TMTC1: variants seen among roughly 807,000 people sequenced by gnomAD.
TMTC1 encodes the protein protein O-mannosyl-transferase TMTC1.
TMTC1 carries 73 observed loss-of-function variants against 104.8 expected under a neutral mutation model. The ratio of observed to expected loss-of-function variants is 0.70; its 90% CI spans 0.58 to 0.85. The LOEUF (loss-of-function observed/expected upper bound fraction) is 0.85. Ranked by LOEUF, TMTC1 falls within the 40% of genes least tolerant of loss-of-function variation. The probability of loss-of-function intolerance (pLI) is 0.00; values close to 1 mark genes in which losing one functional copy is unlikely to be tolerated. For synonymous variants in TMTC1, 434 were observed against 428.7 expected, an observed-to-expected ratio of 1.01 and a Z score of -0.15; for missense variants, 1,035 against 1,096.1, an observed-to-expected ratio of 0.94 and a Z score of 0.79.
chr12:29,643,604 T>TTATATATAATATATATCTATATATTA (rs1276712688), intron 5 of TMTC1, among the ~76,000 whole-genome samples: 3 of 39,606 alleles, frequency 7.6e-5, no homozygotes, highest in African/African-American at 2.5e-4. Flanking sequence ...ATATTATATA[T>TTATATATAATATATATCTATATATTA]TATATATAAT....
intron 14 of TMTC1, 102 bp downstream of exon 14, chr12:29,517,325 A>C: frequency 7.6e-7 from 1 of 1,308,988 alleles, no homozygotes. Context: ...CAGTGGATAT[A>C]TTACGGCATT....
intron 5 of TMTC1, among the ~76,000 whole-genome samples, chr12:29,665,943 C>T (rs977185258): frequency 1.4e-5 from 2 of 145,536 alleles, no homozygotes; most frequent in Admixed American, 1.5e-4. Context: ...CCACTGATGC[C>T]CCCCCAACCC....
intron 1 of TMTC1, among the ~76,000 whole-genome samples, chr12:29,782,592 A>G (rs1943859647): frequency 6.6e-6 from 1 of 152,228 alleles, no homozygotes; most frequent in South Asian, 2.1e-4. Context: ...TGTGTAAGAT[A>G]GCATTTCCCT....
intron 5 of TMTC1, among the ~76,000 whole-genome samples, chr12:29,662,959 T>A (rs1017381441): frequency 1.3e-5 from 2 of 152,202 alleles, no homozygotes; most frequent in African/African-American, 4.8e-5. Flanking sequence ...TTCATCTTCC[T>A]TAGCTGCCAA....
Position 29,643,632 on chromosome 12 carries a change from A to ATATAATATATATGTTATAT in TMTC1, c.939-10297_939-10296insATATAACATATATATTATA, listed in dbSNP as rs1555180721. ...TATATAATATATATCTATATATTAT[A>ATATAATATATATGTTATAT]TATATAATATATATGTTATATTATA... On this transcript the variant is annotated intron_variant, in intron 5 of 17. Coordinates refer to ENST00000539277, the MANE Select transcript of TMTC1 (RefSeq NM_001193451.2). 2.4e-4 allele frequency among the ~76,000 whole-genome samples: 9 copies of ATATAATATATATGTTATAT among 37,344 alleles called. 1 individual carries two copies. Among genetic ancestry groups the ATATAATATATATGTTATAT allele is most frequent in the African/African-American group, 1.2e-3 (9 of 7,480 alleles). 24.5% of individuals were successfully genotyped at this position (37,344 alleles called of 152,430 possible). A position where few individuals can be genotyped will look rare whatever the true frequency, so the allele number is the denominator to read the frequency against.
chr12:29,542,017 A>G (rs1019068191), intron 10 of TMTC1, among the ~76,000 whole-genome samples: 10 of 152,202 alleles, frequency 6.6e-5, no homozygotes, highest in Non-Finnish European at 1.0e-4. Flanking sequence ...GTATTAATTT[A>G]GCCATTTAGA....
At chr12:29,623,354 A>C (rs950983134) in intron 6 of TMTC1, among the ~76,000 whole-genome samples, 1 of 152,254 alleles carries the variant, frequency 6.6e-6, no homozygotes, top group Non-Finnish European at 1.5e-5. Flanking sequence ...AATGCAAATA[A>C]GTAAAATACA....
At chr12:29,635,596 C>G (rs1174820436) in intron 5 of TMTC1, among the ~76,000 whole-genome samples, 1 of 152,184 alleles carries the variant, frequency 6.6e-6, no homozygotes, top group Non-Finnish European at 1.5e-5. Flanking sequence ...ACTGACTAAT[C>G]AACTTTAACA....
intron 5 of TMTC1, among the ~76,000 whole-genome samples, chr12:29,654,380 A>G (rs1939658857): frequency 1.3e-5 from 2 of 152,206 alleles, no homozygotes; most frequent in African/African-American, 2.4e-5. Context: ...AAATATAGGT[A>G]CATCAAAACC....
At chr12:29,514,697 G>T in intron 15 of TMTC1, 93 bp from the exon 16 acceptor site, 2 of 1,355,704 alleles carry the variant, frequency 1.5e-6, no homozygotes, top group Non-Finnish European at 2.0e-6. Context: ...GTTCCTATGT[G>T]TCAGCAGGTA....
At chr12:29,680,583 A>T (rs1183721584) in intron 5 of TMTC1, among the ~76,000 whole-genome samples, 1 of 152,214 alleles carries the variant, frequency 6.6e-6, no homozygotes, top group Non-Finnish European at 1.5e-5. Context: ...CTATGGTAAT[A>T]TTATCCCTGA....
intron 5 of TMTC1, among the ~76,000 whole-genome samples, chr12:29,672,836 C>A (rs371983089): frequency 1.3e-5 from 2 of 152,110 alleles, no homozygotes; most frequent in Admixed American, 6.5e-5. Context: ...CAAAGGCCTG[C>A]AGTAAAGTAG....
chr12:29,705,016 C>A (rs1941701224), intron 5 of TMTC1, among the ~76,000 whole-genome samples: 1 of 152,176 alleles, frequency 6.6e-6, no homozygotes, highest in South Asian at 2.1e-4. Context: ...TTCAGGAGGA[C>A]AAAATGCTGC....
intron 8 of TMTC1, among the ~76,000 whole-genome samples, chr12:29,579,015 G>T (rs159692): frequency 0.77 from 116,961 of 152,016 alleles, 47,566 homozygotes; most frequent in East Asian, 0.92. Flanking sequence ...GTAGTATTAC[G>T]CTGCCTCCCA....
intron 16 of TMTC1, 86 bp from the exon 17 acceptor site, chr12:29,512,206 T>C: frequency 9.2e-7 from 1 of 1,089,444 alleles, no homozygotes; most frequent in African/African-American, 1.6e-5. Flanking sequence ...CGTGTGAAAA[T>C]TTAAAGTAGT....
At chr12:29,752,618 C>A (rs1284460823) in intron 4 of TMTC1, among the ~76,000 whole-genome samples, 1 of 151,758 alleles carries the variant, frequency 6.6e-6, no homozygotes, top group Non-Finnish European at 1.5e-5. Context: ...AAATTCCAAA[C>A]CCAGAAAAAT....
At chr12:29,624,785 C>G (rs770458933) in intron 6 of TMTC1, among the ~76,000 whole-genome samples, 4 of 152,180 alleles carry the variant, frequency 2.6e-5, no homozygotes, top group Non-Finnish European at 5.9e-5. Context: ...GTGGGACTTT[C>G]ATTTTGTTCA....
intron 5 of TMTC1, among the ~76,000 whole-genome samples, chr12:29,731,569 T>C (rs1427424339): frequency 2.0e-5 from 3 of 152,132 alleles, no homozygotes; most frequent in South Asian, 4.1e-4. Flanking sequence ...ATGCTTGAGG[T>C]TGCAATTTTT....
At chr12:29,725,497 T>G (rs1942365564) in intron 5 of TMTC1, among the ~76,000 whole-genome samples, 1 of 152,062 alleles carries the variant, frequency 6.6e-6, no homozygotes, top group African/African-American at 2.4e-5. Context: ...CCACACCCAG[T>G]CCTGCCAAGT....
Sources: allele counts gnomAD v4.1 joint callset (sites outside exome capture counted in the v4.1 genomes callset), GRCh38; gene constraint gnomAD v4.1.1; transcripts MANE v1.5; gene names NCBI Gene and HGNC (gene_info 2026-07-23, HGNC 2026-07-21).